The following LHFPL6 variants were observed in gnomAD, a reference collection of about 807,000 sequenced individuals.
LHFPL6 encodes the protein LHFPL tetraspan subfamily member 6.
In LHFPL6, 9 loss-of-function variants were observed where a neutral mutation model predicts 20.6. That is an observed-to-expected ratio of 0.44 (90% CI 0.26 to 0.76). LHFPL6 has a LOEUF of 0.76. Among genes scored for constraint, LHFPL6 ranks in the 30% least tolerant of loss-of-function variants. The pLI is 0.20. For missense variants in LHFPL6, 218 were observed against 253.5 expected (o/e 0.86, Z 0.95); for synonymous variants, 105 against 98.7 (o/e 1.06, Z -0.38).
At chr13:39,368,479 G>A (rs1870067289) in intron 3 of LHFPL6, among the ~76,000 whole-genome samples, 1 of 152,116 alleles carries the variant, frequency 6.6e-6, no homozygotes, top group East Asian at 1.9e-4. Flanking sequence ...CAACTCTGGA[G>A]GCTGAGGCAG....
chr13:39,401,130 G>A (rs1870979830), intron 2 of LHFPL6, among the ~76,000 whole-genome samples: 1 of 152,302 alleles, frequency 6.6e-6, no homozygotes, highest in Middle Eastern at 3.4e-3. Context: ...TAGACACACT[G>A]AGTAGTCTAA....
rs140885315 is a variant in LHFPL6 at position 39,426,461 on chromosome 13, C to G, written c.386-47935G>C. On this transcript the variant is annotated intron_variant, in intron 2 of 3. Transcript: ENST00000379589. The stretch of plus-strand genomic sequence containing the variant: ...TCTCGAACTCCCGACCTCAGGTGAT[C>G]CACCCACCTCGGCCTTCCAAAGTGC... Among the ~76,000 whole-genome samples the G allele has an allele frequency of 4.5e-3, 692 of 152,220 alleles. 29 individuals carry two copies. Among genetic ancestry groups the G allele is most frequent in the Admixed American group, 0.043 (655 of 15,290 alleles).
chr13:39,396,656 G>A (rs1870850471), intron 2 of LHFPL6, among the ~76,000 whole-genome samples: 1 of 152,114 alleles, frequency 6.6e-6, no homozygotes. Context: ...TAGCCAGTGT[G>A]GTGGTGTGTG....
At chr13:39,498,223 A>AC (rs1275910357) in intron 2 of LHFPL6, among the ~76,000 whole-genome samples, 1 of 152,244 alleles carries the variant, frequency 6.6e-6, no homozygotes, top group Non-Finnish European at 1.5e-5. Context: ...CCTCCAGAGA[A>AC]CAAGTGACTT....
rs144769444 is a variant in LHFPL6, at chr13:39,488,642, A to C, written c.386-110116T>G. Reference sequence around the variant, plus strand: ...TGAAGCTATAATTGTGTTTAATTGGATCATGTAATGCATAATTATTAATCA... The same window carrying C: ...TGAAGCTATAATTGTGTTTAATTGGCTCATGTAATGCATAATTATTAATCA... On this transcript the variant is annotated intron_variant, in intron 2 of 3. Coordinates refer to ENST00000379589, the MANE Select transcript of LHFPL6 (RefSeq NM_005780.3). Among the ~76,000 whole-genome samples the C allele has an allele frequency of 6.4e-4, 97 of 152,334 alleles. 1 individual carries two copies. The East Asian group carries it at 0.012, about 18-fold the overall frequency.
chr13:39,507,873 T>C (rs986277331), intron 2 of LHFPL6, among the ~76,000 whole-genome samples: 1 of 106,152 alleles, frequency 9.4e-6, no homozygotes, highest in African/African-American at 3.5e-5. Flanking sequence ...AGTCCAGGCT[T>C]TATCTTGCCT....
At chr13:39,579,531 T>C (rs1238977545) in intron 2 of LHFPL6, among the ~76,000 whole-genome samples, 1 of 152,232 alleles carries the variant, frequency 6.6e-6, no homozygotes, top group Non-Finnish European at 1.5e-5. Flanking sequence ...AATTCAGTTT[T>C]ACAGCACATT....
chr13:39,587,170 G>A (rs1593375261), intron 2 of LHFPL6, among the ~76,000 whole-genome samples: 1 of 144,652 alleles, frequency 6.9e-6, no homozygotes, highest in South Asian at 2.2e-4. Context: ...AAAAAAAAAA[G>A]AATCCTCAGC....
rs567670925 is a variant in LHFPL6, at chr13:39,583,175, T to TG, written c.385+17656_385+17657insC. Among the ~76,000 whole-genome samples the TG allele has an allele frequency of 1.7e-3, 258 of 148,760 alleles. 1 individual carries two copies. The South Asian group carries it at 0.019, about 11-fold the overall frequency. Reference sequence around the variant, plus strand: ...ATGTACAGGATGCCAAATTCTTTTTTTTTTTTTTTTTTTTTTAAGACAGGG... The same window carrying TG: ...ATGTACAGGATGCCAAATTCTTTTTTGTTTTTTTTTTTTTTTTAAGACAGGG... On this transcript the variant is annotated intron_variant, in intron 2 of 3. Coordinates refer to ENST00000379589, the MANE Select transcript of LHFPL6 (RefSeq NM_005780.3).
chr13:39,589,487 G>C (rs1872543133), intron 2 of LHFPL6, among the ~76,000 whole-genome samples: 1 of 152,096 alleles, frequency 6.6e-6, no homozygotes, highest in Non-Finnish European at 1.5e-5. Context: ...GAGCAATGTT[G>C]TATCCAACCC....
chr13:39,507,233 C>A (rs142579524), intron 2 of LHFPL6, among the ~76,000 whole-genome samples: 2 of 152,316 alleles, frequency 1.3e-5, no homozygotes, highest in South Asian at 4.1e-4. Flanking sequence ...AGAAGCTACA[C>A]GTCCTTACAA....
At chr13:39,455,357 C>G (rs1872546001) in intron 2 of LHFPL6, among the ~76,000 whole-genome samples, 1 of 152,150 alleles carries the variant, frequency 6.6e-6, no homozygotes, top group Admixed American at 6.5e-5. Flanking sequence ...TGAAATTTCA[C>G]AGCATGCTCT....
chr13:39,380,252 T>C lies in LHFPL6; in HGVS notation c.386-1726A>G, dbSNP rs182212122. On this transcript the variant is annotated intron_variant, in intron 2 of 3. Coordinates refer to ENST00000379589, the MANE Select transcript of LHFPL6 (RefSeq NM_005780.3). ...TCTGAGAAGATCTTGTGAACAATTT[T>C]TTTTAAAGGATGACAAATGCAGAAA... 5.3e-4 allele frequency among the ~76,000 whole-genome samples: 80 copies of C among 152,340 alleles called. No homozygotes were observed. In the East Asian group the frequency reaches 0.012, roughly 24 times the overall value.
At chr13:39,355,246 C>T (rs1869693513) in intron 3 of LHFPL6, among the ~76,000 whole-genome samples, 1 of 151,754 alleles carries the variant, frequency 6.6e-6, no homozygotes, top group South Asian at 2.1e-4. Flanking sequence ...TTTTCAGTAT[C>T]CTTAAAGGAA....
intron 3 of LHFPL6, among the ~76,000 whole-genome samples, chr13:39,362,550 G>A (rs1185315934): frequency 6.6e-6 from 1 of 152,212 alleles, no homozygotes; most frequent in Non-Finnish European, 1.5e-5. Context: ...AGTTTAAGGA[G>A]CAAGAAATCA....
intron 2 of LHFPL6, among the ~76,000 whole-genome samples, chr13:39,391,023 TAAG>T (rs1870696595): frequency 6.6e-6 from 1 of 151,926 alleles, no homozygotes; most frequent in East Asian, 1.9e-4. Context: ...ATAAATAAAA[TAAG>T]AATCCAATCC....
intron 2 of LHFPL6, among the ~76,000 whole-genome samples, chr13:39,519,874 C>G (rs1870052101): frequency 6.6e-6 from 1 of 152,090 alleles, no homozygotes; most frequent in Non-Finnish European, 1.5e-5. Flanking sequence ...TAAATCTACC[C>G]AAAGCAAATC....
chr13:39,469,143 A>C (rs1157092991), intron 2 of LHFPL6, among the ~76,000 whole-genome samples: 1 of 152,130 alleles, frequency 6.6e-6, no homozygotes, highest in Non-Finnish European at 1.5e-5. Flanking sequence ...AAAGTACTTC[A>C]AGTCACTCTA....
chr13:39,522,592 A>G (rs531052020), intron 2 of LHFPL6, among the ~76,000 whole-genome samples: 79 of 152,340 alleles, frequency 5.2e-4, no homozygotes, highest in East Asian at 1.9e-4. Context: ...TTTAAGGTTC[A>G]GCTTGCACAC....
Sources: gnomAD v4.1 joint callset for allele counts (sites outside exome capture counted in the v4.1 genomes callset) on GRCh38, gnomAD v4.1.1 for gene constraint, MANE v1.5 for transcripts, NCBI Gene and HGNC (gene_info 2026-07-23, HGNC 2026-07-21) for gene names.